The following MYOM1 variants were observed in gnomAD, a reference collection of about 807,000 sequenced individuals.
MYOM1 encodes the protein myomesin-1.
In MYOM1, 164 loss-of-function variants were observed where a neutral mutation model predicts 205.3. The ratio of observed to expected loss-of-function variants is 0.80; its 90% CI spans 0.70 to 0.91. The LOEUF (loss-of-function observed/expected upper bound fraction) is 0.91, where lower values mean the gene tolerates loss of function less well. Among genes scored for constraint, MYOM1 ranks in the 40% least tolerant of loss-of-function variants. MYOM1 has a pLI of 0.00. For missense variants in MYOM1, 2,011 were observed against 2,127.3 expected, an observed-to-expected ratio of 0.95 and a Z score of 1.08; for synonymous variants, 772 against 789.4, an observed-to-expected ratio of 0.98 and a Z score of 0.37.
intron 9 of MYOM1, among the ~76,000 whole-genome samples, chr18:3,166,433 G>A (rs2080473310): frequency 6.6e-6 from 1 of 151,772 alleles, no homozygotes; most frequent in African/African-American, 2.4e-5. Flanking sequence ...ACCACGCCTG[G>A]CTAATTCTTT....
chr18:3,135,456 G>T lies in MYOM1; in HGVS notation c.2209+91C>A. On this transcript the variant is annotated intron_variant, in intron 15 of 37. Transcript: ENST00000356443. This position sits in a 1 kb window ranked among gnomAD's most constrained non-coding sequence, Gnocchi z 4.1. ...TAAATTTATAATATGAAAGAAGGAT[G>T]TCACCATTTTTACTCCTGGCCAAAT... is the stretch of plus-strand genomic sequence containing the variant. 9.0e-7 allele frequency: 1 copy of T among 1,116,790 alleles called. No homozygotes were observed. Among genetic ancestry groups the T allele is most frequent in the Non-Finnish European group, 1.3e-6 (1 of 799,120 alleles). 69.2% of individuals were successfully genotyped at this position (1,116,790 alleles called of 1,614,324 possible). A position where few individuals can be genotyped will look rare whatever the true frequency, so the allele number is the denominator to read the frequency against.
chr18:3,202,951 C>T (rs1337875511), intron 2 of MYOM1, among the ~76,000 whole-genome samples: 1 of 151,526 alleles, frequency 6.6e-6, no homozygotes, highest in African/African-American at 2.4e-5. Flanking sequence ...GAAATATATC[C>T]CCAGATAACA....
At chr18:3,124,833 A>C (rs190782577) in intron 19 of MYOM1, among the ~76,000 whole-genome samples, 25 of 152,358 alleles carry the variant, frequency 1.6e-4, no homozygotes, top group African/African-American at 5.3e-4. Flanking sequence ...ACAAAGGCAC[A>C]AAAATCACTA....
At chr18:3,140,071 T>C (rs762006112) in intron 14 of MYOM1, among the ~76,000 whole-genome samples, 2 of 152,214 alleles carry the variant, frequency 1.3e-5, no homozygotes, top group Non-Finnish European at 2.9e-5. Flanking sequence ...GAAATGAACA[T>C]TGATCCACCA....
At chr18:3,115,334 C>A (rs1011074919) in intron 21 of MYOM1, among the ~76,000 whole-genome samples, 5 of 152,138 alleles carry the variant, frequency 3.3e-5, no homozygotes, top group Non-Finnish European at 7.3e-5. Flanking sequence ...GGTTTATGGG[C>A]TGTATCTCCT....
At chr18:3,167,382 T>TTTTTG (rs2080487170) in intron 9 of MYOM1, among the ~76,000 whole-genome samples, 1 of 152,198 alleles carries the variant, frequency 6.6e-6, no homozygotes, top group African/African-American at 2.4e-5. Context: ...TATTTTATGT[T>TTTTTG]TTTTGTTTTG....
At chr18:3,172,671 G>A (rs2080578146) in intron 8 of MYOM1, among the ~76,000 whole-genome samples, 2 of 152,076 alleles carry the variant, frequency 1.3e-5, no homozygotes, top group African/African-American at 4.8e-5. Context: ...CACCATGCCT[G>A]GCTAATTTTT....
chr18:3,165,930 G>T (rs1313285732), intron 9 of MYOM1, among the ~76,000 whole-genome samples: 1 of 152,158 alleles, frequency 6.6e-6, no homozygotes, highest in Non-Finnish European at 1.5e-5. Context: ...ACTGCCCCAA[G>T]TGCTCATGTG....
At chr18:3,203,160 C>T (rs1381412842) in intron 2 of MYOM1, among the ~76,000 whole-genome samples, 5 of 150,822 alleles carry the variant, frequency 3.3e-5, no homozygotes, top group African/African-American at 7.3e-5. Context: ...CTTAGAGGGA[C>T]ATATATAGCT....
At chr18:3,127,305 A>ATATATATATAT (rs56880961) in intron 18 of MYOM1, among the ~76,000 whole-genome samples, 9 of 47,572 alleles carry the variant, frequency 1.9e-4, no homozygotes, top group African/African-American at 5.5e-4. Flanking sequence ...ATATATATAT[A>ATATATATATAT]TTTTTTTTTT....
At chr18:3,127,299 A>ATTT (rs1567920743) in intron 18 of MYOM1, among the ~76,000 whole-genome samples, 2 of 49,900 alleles carry the variant, frequency 4.0e-5, no homozygotes, top group African/African-American at 1.8e-4. Flanking sequence ...ATATATATAT[A>ATTT]TATATATTTT....
rs1292282909 is a variant in MYOM1, at chr18:3,101,327, G to T, written c.3576-901C>A. Among the ~76,000 whole-genome samples, 3 of 152,140 alleles carry T rather than the reference G, an allele frequency of 2.0e-5. No individual in the cohort carries two copies. In the East Asian group the frequency reaches 5.8e-4, roughly 29 times the overall value. On this transcript the variant is annotated intron_variant, in intron 23 of 37. Transcript: ENST00000356443. ...TGCTTTATCATATCAATCCAATGTG[G>T]TTGACACTATGAAAATACAAAGCTT...
At chr18:3,194,290 C>G (rs1258929090) in intron 2 of MYOM1, among the ~76,000 whole-genome samples, 1 of 152,172 alleles carries the variant, frequency 6.6e-6, no homozygotes. Flanking sequence ...GAAATTTAGG[C>G]AGTCTATATA....
Position 3,129,400 on chromosome 18 carries a change from C to G in MYOM1, c.2626G>C (p.Gly876Arg). ...PPTFQKDALL[G>R]SKPNKPSLPS... ...AGTGAAGGTTTGTTAGGTTTGCTGC[C>G]AAGCAAAGCATCTTTCTGGAAGGTT... The change falls in exon 18 of 38, where the codon GGC (glycine) becomes CGC (arginine). Residue 876 changes from glycine (G) to arginine (R), a missense_variant. Transcript: ENST00000356443. The G allele has an allele frequency of 6.2e-7, 1 of 1,613,956 alleles. No homozygotes were observed. The highest frequency in any genetic ancestry group is 8.5e-7 in the Non-Finnish European group (1 of 1,179,896).
chr18:3,241,691 CCA>C, the MYOM1 span, among the ~76,000 whole-genome samples: 3 of 152,222 alleles, frequency 2.0e-5, no homozygotes, highest in Non-Finnish European at 4.4e-5. Flanking sequence ...GTCCTCCAGA[CCA>C]CAGAGTGATG....
intron 19 of MYOM1, among the ~76,000 whole-genome samples, chr18:3,121,348 G>A (rs983428785): frequency 2.0e-5 from 3 of 152,144 alleles, no homozygotes; most frequent in African/African-American, 7.2e-5. Context: ...AGTATTTTAA[G>A]TATAGCACAC....
chr18:3,099,562 T>C (rs953676676), intron 25 of MYOM1, among the ~76,000 whole-genome samples: 1 of 152,202 alleles, frequency 6.6e-6, no homozygotes, highest in African/African-American at 2.4e-5. Flanking sequence ...CAGTGGAACC[T>C]TCCAAGGGTC....
chr18:3,225,566 TC>T, the MYOM1 span, among the ~76,000 whole-genome samples: 1 of 152,146 alleles, frequency 6.6e-6, no homozygotes, highest in Non-Finnish European at 1.5e-5. Flanking sequence ...CTTGGCCTCT[TC>T]CAGAGCCCCA....
At chr18:3,234,908 T>A in the MYOM1 span, among the ~76,000 whole-genome samples, 1 of 151,218 alleles carries the variant, frequency 6.6e-6, no homozygotes, top group East Asian at 1.9e-4. Flanking sequence ...GAAAACTCTG[T>A]CATTATCTCT....
Sources: gnomAD v4.1 joint callset for allele counts (sites outside exome capture counted in the v4.1 genomes callset) on GRCh38, gnomAD v4.1.1 for gene constraint, Gnocchi (gnomAD v3.1) non-coding constraint, MANE v1.5 for transcripts, NCBI Gene and HGNC (gene_info 2026-07-23, HGNC 2026-07-21) for gene names.